Variants in PLXDC1 observed in about 807,000 individuals in gnomAD.
PLXDC1 encodes plexin domain containing 1, also known as plexin domain-containing protein 1.
Under a neutral mutation model 61.3 loss-of-function variants are expected in PLXDC1, and 39 were observed. The ratio of observed to expected loss-of-function variants is 0.64; its 90% confidence interval spans 0.49 to 0.83. The LOEUF (loss-of-function observed/expected upper bound fraction) is 0.83. Among genes scored for constraint, PLXDC1 ranks in the 40% least tolerant of loss-of-function variants. PLXDC1 has a pLI of 0.00. For synonymous variants in PLXDC1, 212 were observed against 254.5 expected (o/e 0.83, Z 1.59); for missense variants, 596 against 666.5 (o/e 0.89, Z 1.17).
chr17:39,109,279 G>C lies in PLXDC1; in HGVS notation c.368C>G (p.Thr123Arg). Residue 123 changes from threonine (T) to arginine (R), a missense_variant, in exon 3 of 14, where the codon ACA (threonine) becomes AGA (arginine). By Grantham distance (71) the Thr-to-Arg change is moderately conservative. Transcript: ENST00000315392. ...CTGCCGGTGGGTGTTGGAGAGTATT[G>C]TGTGGATCTTCACTTGGCTCCGGTT... is the stretch of plus-strand genomic sequence containing the variant. The part of the protein sequence containing the change: ...EANRSQVKIH[T>R]ILSNTHRQAS... The C allele has an allele frequency of 6.2e-7, 1 of 1,613,204 alleles. No homozygotes were observed. The highest frequency in any genetic ancestry group is 8.5e-7 in the Non-Finnish European group (1 of 1,179,822).
intron 2 of PLXDC1, among the ~76,000 whole-genome samples, chr17:39,115,604 A>T (rs1684668394): frequency 6.6e-6 from 1 of 152,146 alleles, no homozygotes; most frequent in Admixed American, 6.5e-5. Flanking sequence ...CCCTGGAGGG[A>T]GGGGGCGACT....
At chr17:39,128,167 A>ATATATGTGTATATGTC (rs1470489681) in intron 2 of PLXDC1, among the ~76,000 whole-genome samples, 1 of 125,282 alleles carries the variant, frequency 8.0e-6, no homozygotes, top group Non-Finnish European at 1.7e-5. Context: ...ATATATGTAT[A>ATATATGTGTATATGTC]TATATGTATA....
intron 8 of PLXDC1, among the ~76,000 whole-genome samples, chr17:39,083,953 C>T (rs1041809028): frequency 3.9e-5 from 6 of 152,156 alleles, no homozygotes; most frequent in African/African-American, 1.4e-4. Flanking sequence ...GAAGGTCAGG[C>T]CCTAAACTGG....
At chr17:39,146,606 G>A (rs1449865400) in intron 1 of PLXDC1, among the ~76,000 whole-genome samples, 1 of 151,790 alleles carries the variant, frequency 6.6e-6, no homozygotes, top group African/African-American at 2.4e-5. Context: ...GAGCCCAGGA[G>A]TTGGAGATCA....
chr17:39,134,203 G>A (rs1337909417), intron 2 of PLXDC1, among the ~76,000 whole-genome samples: 2 of 151,136 alleles, frequency 1.3e-5, no homozygotes, highest in Non-Finnish European at 2.9e-5. Context: ...GCGGTGAACC[G>A]AGATCGTGCC....
chr17:39,143,754 G>A (rs1912006889), intron 1 of PLXDC1, among the ~76,000 whole-genome samples: 1 of 152,262 alleles, frequency 6.6e-6, no homozygotes, highest in Admixed American at 6.5e-5. Context: ...GATGCTGCTG[G>A]AGCACGTGGG....
chr17:39,114,601 T>G (rs1362391761), intron 2 of PLXDC1, among the ~76,000 whole-genome samples: 1 of 152,250 alleles, frequency 6.6e-6, no homozygotes, highest in Non-Finnish European at 1.5e-5. Flanking sequence ...GCACAGAGTA[T>G]GTGTTCAATG....
At chr17:39,070,186 G>A (rs1909061570) in intron 12 of PLXDC1, 170 bp from the exon 13 acceptor site, 1 of 523,900 alleles carries the variant, frequency 1.9e-6, no homozygotes, top group African/African-American at 1.9e-5. Context: ...TATGAGTAAG[G>A]CATTCATGTT....
upstream of PLXDC1, chr17:39,152,962 A>T (rs1452586876): frequency 3.5e-6 from 1 of 287,714 alleles, no homozygotes; most frequent in Non-Finnish European, 6.3e-6. Flanking sequence ...ATTCTTCTTG[A>T]TGTCTAATTT....
chr17:39,133,560 G>A (rs114723273), intron 2 of PLXDC1, among the ~76,000 whole-genome samples: 1,778 of 152,234 alleles, frequency 0.012, 44 homozygotes, highest in African/African-American at 0.04. Context: ...GCACAGTCCC[G>A]GCTCTCCTGT....
Position 39,072,752 on chromosome 17 carries a change from C to T in PLXDC1, c.1187-267G>A, listed in dbSNP as rs796336557. The stretch of plus-strand genomic sequence containing the variant: ...AGAGCAATAGGAGGCCATGCACGTT[C>T]TTCTGTGGGGCGACAGAGAGATGTG... On this transcript the variant is annotated intron_variant, in intron 11 of 13. Transcript: ENST00000315392. 1.0e-3 allele frequency among the ~76,000 whole-genome samples: 156 copies of T among 152,230 alleles called. 1 individual carries two copies. Among genetic ancestry groups the T allele is most frequent in the African/African-American group, 3.5e-3 (147 of 41,538 alleles).
chr17:39,094,566 A>C (rs1388653543), intron 7 of PLXDC1, among the ~76,000 whole-genome samples: 1 of 151,754 alleles, frequency 6.6e-6, no homozygotes, highest in Non-Finnish European at 1.5e-5. Flanking sequence ...TCGCTTGGTC[A>C]ATATCTGCTC....
intron 11 of PLXDC1, 76 bp downstream of exon 11, chr17:39,077,837 G>T: frequency 6.8e-7 from 1 of 1,474,794 alleles, no homozygotes; most frequent in Non-Finnish European, 9.4e-7. Context: ...GTCAGGGACA[G>T]AGAGGGGGCC....
intron 2 of PLXDC1, among the ~76,000 whole-genome samples, chr17:39,136,416 T>C (rs990914585): frequency 6.6e-6 from 1 of 152,198 alleles, no homozygotes; most frequent in Admixed American, 6.5e-5. Context: ...ATCAAAAGTT[T>C]ATTATGTTTT....
In PLXDC1 at chr17:39,139,690, G is replaced by A. The variant is rs760022586; in HGVS notation, c.219C>T (p.Ala73=). The change falls in exon 2 of 14, where the codon GCC becomes GCT. Residue 73 remains alanine (A), a synonymous_variant. Coordinates refer to ENST00000315392, the MANE Select transcript of PLXDC1 (RefSeq NM_020405.5). ...TCCTGTTATCTGGCAGCGTGTCCAT[G>A]GCCAGGGTGCCCCCACCCAGGTCCT... ...LSQDLGGGTL[A]MDTLPDNRTR... is the part of the protein sequence containing the mutation. The A allele has an allele frequency of 6.2e-7, 1 of 1,613,592 alleles. No homozygotes were observed. The highest frequency in any genetic ancestry group is 1.7e-5 in the Admixed American group (1 of 59,994).
intron 8 of PLXDC1, among the ~76,000 whole-genome samples, chr17:39,086,725 G>T (rs556645501): frequency 6.6e-6 from 1 of 152,102 alleles, no homozygotes; most frequent in East Asian, 1.9e-4. Flanking sequence ...AGCCGGGCAT[G>T]GTGGCGGGTG....
chr17:39,083,563 C>T (rs371631571), intron 8 of PLXDC1, 23 bp from the exon 9 acceptor site: 42 of 1,572,126 alleles, frequency 2.7e-5, no homozygotes, highest in Non-Finnish European at 3.1e-5. Flanking sequence ...AGGCAGTGGC[C>T]GCTCAGCACC....
intron 7 of PLXDC1, among the ~76,000 whole-genome samples, chr17:39,105,161 C>A (rs955436802): frequency 6.6e-6 from 1 of 152,180 alleles, no homozygotes; most frequent in Non-Finnish European, 1.5e-5. Flanking sequence ...CTTGTGCATA[C>A]GGCTCAGCAG....
At chr17:39,152,408 C>G, upstream of PLXDC1, 3 of 788,008 alleles carry the variant, frequency 3.8e-6, no homozygotes, top group Non-Finnish European at 5.1e-6. Context: ...TCACCACCTT[C>G]TGACAGGCTC....
Sources: gnomAD v4.1 joint callset for allele counts (sites outside exome capture counted in the v4.1 genomes callset) on GRCh38, gnomAD v4.1.1 for gene constraint, MANE v1.5 for transcripts, NCBI Gene and HGNC (gene_info 2026-07-23, HGNC 2026-07-21) for gene names.